NFASC: variants seen among roughly 807,000 people sequenced by gnomAD.
NFASC encodes neurofascin, also known as neurofascin homolog.
Under a neutral mutation model 147.5 loss-of-function variants are expected in NFASC, and 43 were observed. That is an observed-to-expected ratio of 0.29 (90% CI 0.23 to 0.38). The LOEUF (loss-of-function observed/expected upper bound fraction) is 0.38. Ranked by LOEUF, NFASC falls within the 10% of genes least tolerant of loss-of-function variation. The pLI, the probability that NFASC is intolerant of heterozygous loss-of-function variation, is 1.00. For missense variants in NFASC, 1,320 were observed against 1,689.0 expected, an observed-to-expected ratio of 0.78 and a Z score of 3.83; for synonymous variants, 622 against 665.5, an observed-to-expected ratio of 0.93 and a Z score of 1.01.
At chr1:205,012,319 G>A (rs1400815520) in intron 28 of NFASC, among the ~76,000 whole-genome samples, 1 of 152,210 alleles carries the variant, frequency 6.6e-6, no homozygotes, top group African/African-American at 2.4e-5. Context: ...TGTCTTCTCT[G>A]CTCAGGGCAC....
intron 1 of NFASC, among the ~76,000 whole-genome samples, chr1:204,849,049 C>T (rs1396605592): frequency 1.3e-5 from 2 of 152,202 alleles, no homozygotes; most frequent in Non-Finnish European, 2.9e-5. Flanking sequence ...TCTGTGTGCT[C>T]ACACACCTCT....
In NFASC at chr1:204,951,887, C is replaced by T. The variant is rs965142132; in HGVS notation, c.110-124C>T. On this transcript the variant is annotated intron_variant, in intron 4 of 29. Transcript: ENST00000339876. ...GAATGGGGCCCTGTTCACCGCCCCC[C>T]ACACCCCACCCACTTGCCTGCTTGC... is the stretch of plus-strand genomic sequence containing the variant. The T allele has an allele frequency of 4.3e-6, 3 of 695,336 alleles. No individual in the cohort carries two copies. In the African/African-American group the frequency reaches 5.3e-5, roughly 12 times the overall value. 43.1% of individuals were successfully genotyped at this position (695,336 alleles called of 1,614,324 possible).
At chr1:204,842,900 G>A (rs1163521196) in intron 1 of NFASC, among the ~76,000 whole-genome samples, 1 of 152,204 alleles carries the variant, frequency 6.6e-6, no homozygotes, top group Non-Finnish European at 1.5e-5. Flanking sequence ...GATGGGAGTT[G>A]TCTGCCATTG....
rs1468655553 is a variant in NFASC, at chr1:205,018,643, C to T, written c.*2104C>T. On this transcript the variant is annotated 3_prime_UTR_variant, in exon 30 of 30. Coordinates refer to ENST00000339876, the MANE Select transcript of NFASC (RefSeq NM_001005388.3). ...CCCCTCCCCTGGATTTCCTCCAACACCTGCTTGGATACTAGGCCCACTGTC... is the reference window on the plus strand; with the variant it reads ...CCCCTCCCCTGGATTTCCTCCAACATCTGCTTGGATACTAGGCCCACTGTC... The T allele has an allele frequency of 6.5e-6, 1 of 152,676 alleles. No individual in the cohort carries two copies. The highest frequency in any genetic ancestry group is 1.5e-5 in the Non-Finnish European group (1 of 68,078). The allele number at this position is 152,676 out of a possible 1,614,324, so 9.5% of individuals were successfully genotyped here.
intron 27 of NFASC, chr1:205,008,666 A>T (rs990284474): frequency 1.3e-5 from 2 of 152,652 alleles, no homozygotes; most frequent in Non-Finnish European, 2.9e-5. Context: ...TAGCACCTGT[A>T]CTTCAGGCCG....
chr1:204,863,172 G>A lies in NFASC; in HGVS notation c.-200+34390G>A, dbSNP rs181442244. Among the ~76,000 whole-genome samples, 141 of 152,344 alleles carry A rather than the reference G, an allele frequency of 9.3e-4. 1 individual carries two copies. The highest frequency in any genetic ancestry group is 3.3e-3 in the African/African-American group (139 of 41,576). ...ATTTGACAACCAGGCCTGGGAAGTGGATGACAGGGTCAGCGGAATTTCAGA... is the reference window on the plus strand; with the variant it reads ...ATTTGACAACCAGGCCTGGGAAGTGAATGACAGGGTCAGCGGAATTTCAGA... On this transcript the variant is annotated intron_variant, in intron 1 of 29. Coordinates refer to ENST00000339876, the MANE Select transcript of NFASC (RefSeq NM_001005388.3).
chr1:204,839,589 CAG>C (rs1413577010), intron 1 of NFASC, among the ~76,000 whole-genome samples: 3 of 152,150 alleles, frequency 2.0e-5, no homozygotes, highest in African/African-American at 7.2e-5. Context: ...CCTGCAGTGA[CAG>C]AGCTGCCTTT....
chr1:204,842,907 A>G (rs1404991965), intron 1 of NFASC, among the ~76,000 whole-genome samples: 2 of 152,270 alleles, frequency 1.3e-5, no homozygotes, highest in Non-Finnish European at 2.9e-5. Flanking sequence ...GTTGTCTGCC[A>G]TTGGTGTGGA....
At chr1:204,901,471 AGGAATG>A in intron 1 of NFASC, among the ~76,000 whole-genome samples, 1 of 152,354 alleles carries the variant, frequency 6.6e-6, no homozygotes, top group East Asian at 1.9e-4. Flanking sequence ...GTGTTAAATC[AGGAATG>A]ATGAGAGCTT....
intron 1 of NFASC, among the ~76,000 whole-genome samples, chr1:204,892,500 A>G (rs1030830927): frequency 2.6e-5 from 4 of 152,224 alleles, no homozygotes; most frequent in African/African-American, 9.6e-5. Context: ...AGATGGCCTC[A>G]CATGGCTGAC....
chr1:204,890,346 C>T (rs763328319), intron 1 of NFASC, among the ~76,000 whole-genome samples: 26 of 152,274 alleles, frequency 1.7e-4, no homozygotes, highest in Admixed American at 4.6e-4. Flanking sequence ...GGGATCCAGA[C>T]GGCACTATGT....
chr1:204,963,891 G>A lies in NFASC; in HGVS notation c.707-4358G>A, dbSNP rs377098358. 5.9e-5 allele frequency among the ~76,000 whole-genome samples: 9 copies of A among 152,238 alleles called. No homozygotes were observed. In the East Asian group the frequency reaches 1.3e-3, roughly 23 times the overall value. On this transcript the variant is annotated intron_variant, in intron 8 of 29. Coordinates refer to ENST00000339876, the MANE Select transcript of NFASC (RefSeq NM_001005388.3). ...CCAGGGCATCTGTCTGTTTGGCTCT[G>A]AAATATGGCACGTCTCTTTTGTAGC...
At chr1:204,870,365 A>G (rs1007103826) in intron 1 of NFASC, among the ~76,000 whole-genome samples, 2 of 152,194 alleles carry the variant, frequency 1.3e-5, no homozygotes, top group Non-Finnish European at 2.9e-5. Context: ...TGGGGCCAGC[A>G]CACAGCCCTG....
At chr1:204,912,059 A>G (rs1365997305) in intron 1 of NFASC, among the ~76,000 whole-genome samples, 1 of 152,040 alleles carries the variant, frequency 6.6e-6, no homozygotes, top group East Asian at 1.9e-4. Flanking sequence ...TGTCAATTGA[A>G]GTGATTTTTT....
intron 1 of NFASC, among the ~76,000 whole-genome samples, chr1:204,872,317 T>C (rs1314605172): frequency 6.6e-6 from 1 of 152,228 alleles, no homozygotes; most frequent in Non-Finnish European, 1.5e-5. Context: ...TACAGAGAAT[T>C]GCAGCTCCTT....
Position 205,001,208 on chromosome 1 carries a change from C to G in NFASC, c.3058C>G (p.Pro1020Ala), listed in dbSNP as rs1186615546. The stretch of plus-strand genomic sequence containing the variant: ...GTCCATATGGAACGTCACGGTGCTC[C>G]CCAACAGTAAATGGGCCAACATCAC... The part of the protein sequence containing the change: ...EQSIWNVTVL[P>A]NSKWANITWK... The change falls in exon 26 of 30, where the codon CCC (proline) becomes GCC (alanine). Residue 1020 changes from proline to alanine, a missense_variant. By Grantham distance (27) the Pro-to-Ala change is conservative. Transcript: ENST00000339876. The G allele has an allele frequency of 3.1e-6, 5 of 1,612,544 alleles. No individual in the cohort carries two copies. The East Asian group carries it at 8.9e-5, about 29-fold the overall frequency.
intron 1 of NFASC, among the ~76,000 whole-genome samples, chr1:204,858,156 G>A (rs578145945): frequency 6.6e-6 from 1 of 151,602 alleles, no homozygotes; most frequent in African/African-American, 2.4e-5. Flanking sequence ...CTAACCTCAG[G>A]TGATCCACCT....
chr1:204,919,734 T>C (rs2090073481), intron 1 of NFASC, among the ~76,000 whole-genome samples: 2 of 152,072 alleles, frequency 1.3e-5, no homozygotes, highest in African/African-American at 4.8e-5. Context: ...GTTCAAGCCA[T>C]TCTCCTGCCT....
At chr1:204,948,592 A>T (rs2093931290) in intron 3 of NFASC, 13 of 518,884 alleles carry the variant, frequency 2.5e-5, no homozygotes, top group Non-Finnish European at 4.6e-5. Flanking sequence ...AAACAAAACA[A>T]AACAAAACAA....
Sources: gnomAD v4.1 joint callset for allele counts (sites outside exome capture counted in the v4.1 genomes callset) on GRCh38, gnomAD v4.1.1 for gene constraint, MANE v1.5 for transcripts, NCBI Gene and HGNC (gene_info 2026-07-23, HGNC 2026-07-21) for gene names.